Variants in CEP41 observed in about 807,000 individuals in gnomAD.
CEP41 encodes centrosomal protein of 41 kDa.
Under a neutral mutation model 44.3 loss-of-function variants are expected in CEP41, and 32 were observed. That is an observed-to-expected ratio of 0.72 (90% confidence interval 0.54 to 0.97). The LOEUF (loss-of-function observed/expected upper bound fraction) is 0.97, where lower values mean the gene tolerates loss of function less well. Ranked by LOEUF, CEP41 falls within the 50% of genes least tolerant of loss-of-function variation. The pLI is 0.00. For synonymous variants in CEP41, 151 were observed against 168.5 expected (o/e 0.90, Z 0.80); for missense variants, 432 against 455.2 (o/e 0.95, Z 0.46).
intron 1 of CEP41, among the ~76,000 whole-genome samples, chr7:130,432,116 AAGG>A (rs1797839379): frequency 6.6e-6 from 1 of 152,114 alleles, no homozygotes; most frequent in Non-Finnish European, 1.5e-5. Flanking sequence ...AAGAAGTTTG[AAGG>A]AGGAGTGACA....
intron 3 of CEP41, among the ~76,000 whole-genome samples, chr7:130,414,660 T>C (rs1262626853): frequency 1.3e-5 from 2 of 152,224 alleles, no homozygotes; most frequent in African/African-American, 2.4e-5. Context: ...CCCTACATAT[T>C]TGAACCTGAA....
At position 130,394,959 on chromosome 7, in the gene CEP41, A is replaced by C. The variant is rs1554413896; in HGVS notation, c.*3932T>G. ...GCTTCAGGATGTTACACAGGTGAGA[A>C]TTTGCTTCTGTACAGAACAAAGAGG... On this transcript the variant is annotated 3_prime_UTR_variant, in exon 11 of 11. Transcript: ENST00000223208. 2.2e-6 allele frequency: 1 copy of C among 454,088 alleles called. No individual in the cohort carries two copies. The highest frequency in any genetic ancestry group is 6.9e-5 in the East Asian group (1 of 14,396). 28.1% of individuals were successfully genotyped at this position (454,088 alleles called of 1,614,324 possible).
At chr7:130,402,579 C>A (rs1796884229) in intron 7 of CEP41, 69 bp downstream of exon 7, 2 of 1,561,612 alleles carry the variant, frequency 1.3e-6, no homozygotes, top group African/African-American at 2.7e-5. Flanking sequence ...GTGGTTCCAG[C>A]CTGCCTAGAC....
intron 2 of CEP41, chr7:130,421,407 A>AGTGT (rs1441333253): frequency 1.0e-5 from 10 of 985,346 alleles, no homozygotes; most frequent in Middle Eastern, 5.2e-4. Context: ...AAAGAGGCAC[A>AGTGT]GTGGTCCTTT....
Position 130,394,422 on chromosome 7 carries a change from G to T in CEP41, c.*4469C>A, listed in dbSNP as rs1158816670. The T allele has an allele frequency of 1.1e-5, 5 of 453,970 alleles. No homozygotes were observed. Among genetic ancestry groups the T allele is most frequent in the East Asian group, 6.9e-5 (1 of 14,416 alleles). 28.1% of individuals were successfully genotyped at this position (453,970 alleles called of 1,614,324 possible). On this transcript the variant is annotated 3_prime_UTR_variant, in exon 11 of 11. Transcript: ENST00000223208. ...GTAAGCTCTCCACAAACATTGGCTAGTATTATTATTTTCTGGAAATCTTCA... is the reference window on the plus strand; with the variant it reads ...GTAAGCTCTCCACAAACATTGGCTATTATTATTATTTTCTGGAAATCTTCA...
chr7:130,394,218 C>T lies in CEP41; in HGVS notation c.*4673G>A. Reference sequence around the variant, plus strand: ...GCTGAAAGAACACCCTCTGGAGCCACAGTTCTCAGGCTGGCTCCTGGCTTT... The same window carrying T: ...GCTGAAAGAACACCCTCTGGAGCCATAGTTCTCAGGCTGGCTCCTGGCTTT... On this transcript the variant is annotated 3_prime_UTR_variant, in exon 11 of 11. Transcript: ENST00000223208. 4.4e-6 allele frequency: 2 copies of T among 454,070 alleles called. No individual in the cohort carries two copies. The highest frequency in any genetic ancestry group is 8.8e-6 in the Non-Finnish European group (2 of 226,786). 28.1% of individuals were successfully genotyped at this position (454,070 alleles called of 1,614,324 possible).
intron 5 of CEP41, among the ~76,000 whole-genome samples, chr7:130,408,416 T>C (rs1797076657): frequency 6.6e-6 from 1 of 152,018 alleles, no homozygotes. Context: ...AACATCCTAT[T>C]AGAAAGAAAG....
chr7:130,400,206 G>A lies in CEP41; in HGVS notation c.806C>T (p.Ser269Phe), dbSNP rs545675609. 2 of 1,613,956 alleles carry A rather than the reference G, an allele frequency of 1.2e-6. No homozygotes were observed. Among genetic ancestry groups the A allele is most frequent in the East Asian group, 2.2e-5 (1 of 44,882 alleles). The part of the protein sequence containing the change: ...QKFPEGLITG[S>F]LPASCQQALP... ...GGCCTGCTGGCAAGATGCTGGCAGG[G>A]AACCAGTAATCAGTCCTTCCGGGAA... The change falls in exon 10 of 11, where the codon TCC becomes TTC. Residue 269 changes from serine to phenylalanine, a missense_variant. Transcript: ENST00000223208.
intron 5 of CEP41, among the ~76,000 whole-genome samples, chr7:130,407,735 C>G (rs754076867): frequency 6.6e-6 from 1 of 151,874 alleles, no homozygotes; most frequent in African/African-American, 2.4e-5. Context: ...TAGATTATTA[C>G]AAAATGTAGG....
intron 4 of CEP41, 157 bp downstream of exon 4, chr7:130,412,022 C>G: frequency 2.9e-6 from 2 of 693,610 alleles, no homozygotes; most frequent in Non-Finnish European, 5.3e-6. Context: ...CATGTGAACA[C>G]ACACACCACA....
chr7:130,427,565 T>C (rs1431069187), intron 2 of CEP41, among the ~76,000 whole-genome samples: 1 of 152,230 alleles, frequency 6.6e-6, no homozygotes, highest in Non-Finnish European at 1.5e-5. Flanking sequence ...TTGCAAACAC[T>C]GCATTGAACA....
intron 5 of CEP41, among the ~76,000 whole-genome samples, chr7:130,409,569 G>A (rs1051500017): frequency 2.6e-5 from 4 of 152,190 alleles, no homozygotes; most frequent in African/African-American, 9.6e-5. Context: ...TGACAGTTGA[G>A]TTGCACAAAC....
Position 130,402,752 on chromosome 7 carries a change from T to C in CEP41, c.470A>G (p.Lys157Arg), listed in dbSNP as rs1364977994. The change falls in exon 7 of 11, where the codon AAG becomes AGG. Residue 157 changes from lysine (K) to arginine (R), a missense_variant. By Grantham distance (26) the Lys-to-Arg change is conservative. Transcript: ENST00000223208. Reference protein sequence around the residue: ...GELDLDKGPVKKAEPHTKDKP... With the variant: ...GELDLDKGPVRKAEPHTKDKP... ...GTCTTTGGTATGGGGCTCTGCTTTC[T>C]TCACTGGCCCTTTGTCTAGATCCAG... is the stretch of plus-strand genomic sequence containing the variant. The C allele has an allele frequency of 6.2e-7, 1 of 1,614,196 alleles. No homozygotes were observed. The highest frequency in any genetic ancestry group is 8.5e-7 in the Non-Finnish European group (1 of 1,180,012).
chr7:130,423,690 C>A (rs1417730674), intron 2 of CEP41, among the ~76,000 whole-genome samples: 1 of 152,194 alleles, frequency 6.6e-6, no homozygotes, highest in Non-Finnish European at 1.5e-5. Context: ...AGCACTATGT[C>A]CAGTAAGTGT....
upstream of CEP41, chr7:130,441,287 A>C: frequency 3.3e-5 from 10 of 303,066 alleles, no homozygotes; most frequent in East Asian, 8.2e-5. Flanking sequence ...GCCTGCGCAA[A>C]GCCGGGGGCG....
intron 3 of CEP41, among the ~76,000 whole-genome samples, chr7:130,415,275 G>A (rs1356621008): frequency 6.6e-6 from 1 of 152,208 alleles, no homozygotes; most frequent in East Asian, 1.9e-4. Context: ...GTAAAGTGAT[G>A]GGTCTAGGGT....
Position 130,398,756 on chromosome 7 carries a change from C to T in CEP41, c.*135G>A, listed in dbSNP as rs1458916487. On this transcript the variant is annotated 3_prime_UTR_variant, in exon 11 of 11. Transcript: ENST00000223208. Reference sequence around the variant, plus strand: ...AGGGGAGAGGAACTGGAGACAGGGACAGGGAAGAGGCCTATCCCATACATA... The same window carrying T: ...AGGGGAGAGGAACTGGAGACAGGGATAGGGAAGAGGCCTATCCCATACATA... 2 of 1,052,090 alleles carry T rather than the reference C, an allele frequency of 1.9e-6. No homozygotes were observed. The highest frequency in any genetic ancestry group is 2.9e-6 in the Non-Finnish European group (2 of 679,594). 65.2% of individuals were successfully genotyped at this position (1,052,090 alleles called of 1,614,324 possible).
intron 3 of CEP41, among the ~76,000 whole-genome samples, chr7:130,416,392 G>GT (rs1554420891): frequency 6.6e-6 from 1 of 152,204 alleles, no homozygotes; most frequent in Non-Finnish European, 1.5e-5. Context: ...TTGCAGATAA[G>GT]TTTTTTAAAA....
Position 130,440,989 on chromosome 7 carries a change from C to A in CEP41, c.-23G>T. 6.2e-7 allele frequency: 1 copy of A among 1,612,394 alleles called. No individual in the cohort carries two copies. The highest frequency in any genetic ancestry group is 8.5e-7 in the Non-Finnish European group (1 of 1,179,950). On this transcript the variant is annotated 5_prime_UTR_variant, in exon 1 of 11. Coordinates refer to ENST00000223208, the MANE Select transcript of CEP41 (RefSeq NM_018718.3). ...CATATTTTCTCCAACCGACCACGTT[C>A]GGGGTTCTAGCCTCACGGGTTGCCT... is the stretch of plus-strand genomic sequence containing the variant.
Sources: allele counts gnomAD v4.1 joint callset (sites outside exome capture counted in the v4.1 genomes callset), GRCh38; gene constraint gnomAD v4.1.1; transcripts MANE v1.5; gene names NCBI Gene and HGNC (gene_info 2026-07-23, HGNC 2026-07-21).